The following CMTM3 variants were observed in gnomAD, a reference collection of about 807,000 sequenced individuals.
The protein encoded by CMTM3 is CKLF-like MARVEL transmembrane domain-containing protein 3.
A neutral mutation model predicts 18.2 loss-of-function variants in CMTM3; 7 were observed. The observed-to-expected ratio is 0.38, with a 90% CI of 0.22 to 0.72. The LOEUF is 0.72. Among genes scored for constraint, CMTM3 ranks in the 30% least tolerant of loss-of-function variants. The pLI is 0.46. For synonymous variants in CMTM3, 109 were observed against 111.2 expected (o/e 0.98, Z 0.12); for missense variants, 227 against 249.2 (o/e 0.91, Z 0.60).
At chr16:66,611,907 G>GT (rs2015389928) in intron 4 of CMTM3, among the ~76,000 whole-genome samples, 1 of 152,058 alleles carries the variant, frequency 6.6e-6, no homozygotes, top group South Asian at 2.1e-4. Flanking sequence ...GTATATTTTA[G>GT]TTTGGGGGAC....
chr16:66,609,590 G>C lies in CMTM3; in HGVS notation c.399+60G>C. The C allele has an allele frequency of 1.3e-6, 2 of 1,533,898 alleles. No homozygotes were observed. The highest frequency in any genetic ancestry group is 8.8e-7 in the Non-Finnish European group (1 of 1,131,674). On this transcript the variant is annotated intron_variant, in intron 3 of 4. Transcript: ENST00000567572. The surrounding 1 kb of genome is among the most constrained non-coding windows in gnomAD (Gnocchi z 4.4). ...ATGCCCCTCTAGCCCCTCATTTAGGGTGGGACCTGGGGCAGAGCCTTTCCC... is the reference window on the plus strand; with the variant it reads ...ATGCCCCTCTAGCCCCTCATTTAGGCTGGGACCTGGGGCAGAGCCTTTCCC...
rs2015328967 is a variant in CMTM3 at position 66,610,293 on chromosome 16, C to T, written c.520+290C>T. Among the ~76,000 whole-genome samples, 1 of 152,152 alleles carries T rather than the reference C, an allele frequency of 6.6e-6. No homozygotes were observed. Among genetic ancestry groups the T allele is most frequent in the African/African-American group, 2.4e-5 (1 of 41,442 alleles). On this transcript the variant is annotated intron_variant, in intron 4 of 4. Coordinates refer to ENST00000567572, the MANE Select transcript of CMTM3 (RefSeq NM_181553.4). The surrounding 1 kb of genome is among the most constrained non-coding windows in gnomAD (Gnocchi z 4.6). Reference sequence around the variant, plus strand: ...GACGACCCCCCTGGGCAGCCAGTCACTCTCGGGCACCTGTCCACCTGGGAT... The same window carrying T: ...GACGACCCCCCTGGGCAGCCAGTCATTCTCGGGCACCTGTCCACCTGGGAT...
At chr16:66,607,848 G>A (rs1240112306) in intron 1 of CMTM3, among the ~76,000 whole-genome samples, 1 of 146,862 alleles carries the variant, frequency 6.8e-6, no homozygotes, top group Non-Finnish European at 1.5e-5. Context: ...TTTTTTTTTT[G>A]TAGGGGCGGG....
Position 66,610,229 on chromosome 16 carries a change from G to A in CMTM3, c.520+226G>A, listed in dbSNP as rs2015326128. Among the ~76,000 whole-genome samples, 1 of 152,164 alleles carries A rather than the reference G, an allele frequency of 6.6e-6. No homozygotes were observed. Among genetic ancestry groups the A allele is most frequent in the South Asian group, 2.1e-4 (1 of 4,832 alleles). On this transcript the variant is annotated intron_variant, in intron 4 of 4. Transcript: ENST00000567572. This position sits in a 1 kb window ranked among gnomAD's most constrained non-coding sequence, Gnocchi z 4.6. ...CCTTTCTAGGAGGGGCAAGCAGTGG[G>A]CATGGCTGAGCCTCAGGCCAGGCCG...
At position 66,612,619 on chromosome 16, in the gene CMTM3, C is replaced by T. The variant is rs776349331; in HGVS notation, c.531C>T (p.Ser177=). ...CTGCTTTCCTTTCAGAAGAGAATTC[C>T]GACTCGGACTCTGACTGAAGGCCTG... is the stretch of plus-strand genomic sequence containing the variant. ...TTAHKTEEEN[S]DSDSD Residue 177 remains serine (S), a synonymous_variant, in exon 5 of 5, where the codon TCC becomes TCT. Coordinates refer to ENST00000567572, the MANE Select transcript of CMTM3 (RefSeq NM_181553.4). This position sits in a 1 kb window ranked among gnomAD's most constrained non-coding sequence, Gnocchi z 6.0. 5.0e-6 allele frequency: 8 copies of T among 1,614,058 alleles called. No individual in the cohort carries two copies. Among genetic ancestry groups the T allele is most frequent in the Non-Finnish European group, 6.8e-6 (8 of 1,179,978 alleles).
Position 66,612,513 on chromosome 16 carries a change from C to A in CMTM3, c.521-96C>A. On this transcript the variant is annotated intron_variant, in intron 4 of 4. Coordinates refer to ENST00000567572, the MANE Select transcript of CMTM3 (RefSeq NM_181553.4). The surrounding 1 kb of genome is among the most constrained non-coding windows in gnomAD (Gnocchi z 6.0). The stretch of plus-strand genomic sequence containing the variant: ...CAGCTGCAGGAGGCCTGCACCCAGG[C>A]TCCTGCCAGCAACCCAGCTGTGCTT... 2.3e-6 allele frequency: 3 copies of A among 1,320,030 alleles called. No homozygotes were observed. The highest frequency in any genetic ancestry group is 2.1e-6 in the Non-Finnish European group (2 of 932,066). The allele number at this position is 1,320,030 out of a possible 1,614,324, so 81.8% of individuals were successfully genotyped here. A position where few individuals can be genotyped will look rare whatever the true frequency, so the allele number is the denominator to read the frequency against.
At position 66,609,318 on chromosome 16, in the gene CMTM3, G is replaced by C; in HGVS notation, c.304-117G>C. On this transcript the variant is annotated intron_variant, in intron 2 of 4. Coordinates refer to ENST00000567572, the MANE Select transcript of CMTM3 (RefSeq NM_181553.4). The surrounding 1 kb of genome is among the most constrained non-coding windows in gnomAD (Gnocchi z 4.4). ...TAGGCATGTGGGTGGGGCCAGGATG[G>C]GATAGGAGCCCTCAGGTGCTAGGCC... 1 of 846,318 alleles carries C rather than the reference G, an allele frequency of 1.2e-6. No homozygotes were observed. Among genetic ancestry groups the C allele is most frequent in the Non-Finnish European group, 1.9e-6 (1 of 535,406 alleles). 52.4% of individuals were successfully genotyped at this position (846,318 alleles called of 1,614,324 possible).
Position 66,608,400 on chromosome 16 carries a change from A to G in CMTM3, c.239A>G (p.Tyr80Cys), listed in dbSNP as rs371961681. ...APLLEFLLAL[Y>C]FLFADAMQLN... ...CTGCTGGAGTTCCTGCTGGCCTTGT[A>G]CTTCCTCTTTGCTGATGCCATGCAG... is the stretch of plus-strand genomic sequence containing the variant. Residue 80 changes from tyrosine to cysteine, a missense_variant, in exon 2 of 5, where the codon TAC becomes TGC. Coordinates refer to ENST00000567572, the MANE Select transcript of CMTM3 (RefSeq NM_181553.4). The surrounding 1 kb of genome is among the most constrained non-coding windows in gnomAD (Gnocchi z 5.1). The G allele has an allele frequency of 6.2e-6, 10 of 1,614,032 alleles. No individual in the cohort carries two copies. The highest frequency in any genetic ancestry group is 4.5e-5 in the East Asian group (2 of 44,892).
Position 66,608,218 on chromosome 16 carries a change from C to T in CMTM3, c.148-91C>T. ...CAGTTGGCTTCCCCTGCTGGAACCT[C>T]CTCTATCCTGACCACAGGGCCTGGC... is the stretch of plus-strand genomic sequence containing the variant. On this transcript the variant is annotated intron_variant, in intron 1 of 4. Coordinates refer to ENST00000567572, the MANE Select transcript of CMTM3 (RefSeq NM_181553.4). The surrounding 1 kb of genome is among the most constrained non-coding windows in gnomAD (Gnocchi z 5.1). The T allele has an allele frequency of 6.8e-7, 1 of 1,461,886 alleles. No homozygotes were observed. The allele number at this position is 1,461,886 out of a possible 1,614,324, so 90.6% of individuals were successfully genotyped here. A position where few individuals can be genotyped will look rare whatever the true frequency, so the allele number is the denominator to read the frequency against.
rs749444178 is a variant in CMTM3 at position 66,604,938 on chromosome 16, C to G, written c.133C>G (p.Leu45Val). ...CCTCTGCTCTCTCAAAGGCCGCCTC[C>G]TGCTGGCCGAGTCGGTGAGTGCGGC... Reference protein sequence around the residue: ...AFLCSLKGRLLLAESGLSFIT... With the variant: ...AFLCSLKGRLVLAESGLSFIT... Residue 45 changes from leucine to valine, a missense_variant, in exon 1 of 5, where the codon CTG (leucine) becomes GTG (valine). Physicochemically the swap from Leu to Val is conservative, Grantham distance 32. Coordinates refer to ENST00000567572, the MANE Select transcript of CMTM3 (RefSeq NM_181553.4). 437 of 1,503,092 alleles carry G rather than the reference C, an allele frequency of 2.9e-4. No homozygotes were observed. The highest frequency in any genetic ancestry group is 3.4e-4 in the Non-Finnish European group (386 of 1,136,608). 93.1% of individuals were successfully genotyped at this position (1,503,092 alleles called of 1,614,324 possible). A position where few individuals can be genotyped will look rare whatever the true frequency, so the allele number is the denominator to read the frequency against.
rs188002121 is a variant in CMTM3, at chr16:66,613,204, C to T, written c.*567C>T. The T allele has an allele frequency of 2.7e-4, 186 of 694,064 alleles. No homozygotes were observed. The highest frequency in any genetic ancestry group is 6.3e-4 in the South Asian group (42 of 66,944). The allele number at this position is 694,064 out of a possible 1,614,324, so 43.0% of individuals were successfully genotyped here. On this transcript the variant is annotated 3_prime_UTR_variant, in exon 5 of 5. Transcript: ENST00000567572. ...AGGGAGAAATTGACCTTTGCCTTGT[C>T]GCCCAGGAAGTGGGGCTCGGCACCC...
In CMTM3 at chr16:66,612,647, G is replaced by A. The variant is rs764390337; in HGVS notation, c.*10G>A. 13 of 1,613,684 alleles carry A rather than the reference G, an allele frequency of 8.1e-6. No individual in the cohort carries two copies. The highest frequency in any genetic ancestry group is 2.7e-5 in the African/African-American group (2 of 74,926). Reference sequence around the variant, plus strand: ...CTCGGACTCTGACTGAAGGCCTGGCGGGTGCCTTGGCAACCTGAGCCACAC... The same window carrying A: ...CTCGGACTCTGACTGAAGGCCTGGCAGGTGCCTTGGCAACCTGAGCCACAC... On this transcript the variant is annotated 3_prime_UTR_variant, in exon 5 of 5. Transcript: ENST00000567572. The surrounding 1 kb of genome is among the most constrained non-coding windows in gnomAD (Gnocchi z 6.0).
Position 66,609,264 on chromosome 16 carries a change from A to T in CMTM3, c.304-171A>T. ...CAGTGTCAGCTGCTGGCAAGGCAGC[A>T]GAGGCACCTCGGGGGTGGGACAAGG... is the stretch of plus-strand genomic sequence containing the variant. On this transcript the variant is annotated intron_variant, in intron 2 of 4. Coordinates refer to ENST00000567572, the MANE Select transcript of CMTM3 (RefSeq NM_181553.4). This position sits in a 1 kb window ranked among gnomAD's most constrained non-coding sequence, Gnocchi z 4.4. 1.6e-6 allele frequency: 1 copy of T among 611,914 alleles called. No homozygotes were observed. The highest frequency in any genetic ancestry group is 2.9e-6 in the Non-Finnish European group (1 of 346,896). The allele number at this position is 611,914 out of a possible 1,614,324, so 37.9% of individuals were successfully genotyped here.
rs774194406 is a variant in CMTM3, at chr16:66,610,003, G to A, written c.520G>A (p.Glu174Lys). The change falls in exon 4 of 5, where the codon GAA becomes AAA. Residue 174 changes from glutamate (E) to lysine (K), a missense_variant and splice_region_variant. Transcript: ENST00000567572. This position sits in a 1 kb window ranked among gnomAD's most constrained non-coding sequence, Gnocchi z 4.6. ...ADETTAHKTE[E>K]ENSDSDSD is the part of the protein sequence containing the mutation. ...TGAGACCACAGCCCACAAGACAGAA[G>A]GTAAGCGGCTGCCCTGATCACCCCA... 1.2e-6 allele frequency: 2 copies of A among 1,614,202 alleles called. No homozygotes were observed. Among genetic ancestry groups the A allele is most frequent in the Non-Finnish European group, 8.5e-7 (1 of 1,180,032 alleles).
chr16:66,607,910 T>C (rs2015220624), intron 1 of CMTM3, among the ~76,000 whole-genome samples: 1 of 151,656 alleles, frequency 6.6e-6, no homozygotes, highest in Non-Finnish European at 1.5e-5. Context: ...AGTGGCCTGA[T>C]CACAGCTCAC....
At chr16:66,607,022 G>A (rs910562026) in intron 1 of CMTM3, among the ~76,000 whole-genome samples, 36 of 152,180 alleles carry the variant, frequency 2.4e-4, no homozygotes, top group African/African-American at 8.7e-4. Context: ...ACTCTATCTG[G>A]GGGGTCAGCC....
upstream of CMTM3, chr16:66,604,384 T>A (rs2015039295): frequency 6.4e-6 from 1 of 157,118 alleles, no homozygotes; most frequent in South Asian, 2.0e-4. Context: ...GTCTTTGCTG[T>A]TTAGACGCCT....
upstream of CMTM3, chr16:66,604,189 G>A (rs75704624): frequency 0.014 from 2,089 of 152,714 alleles, 32 homozygotes; most frequent in Non-Finnish European, 0.023. Flanking sequence ...GCAGGTCTGA[G>A]AGTCCTCTGA....
rs1433616461 is a variant in CMTM3, at chr16:66,609,917, C to T, written c.434C>T (p.Thr145Ile). Reference sequence around the variant, plus strand: ...TTCTTTGCTACCATCGTGTTTGCAACTGATTTCTACCTGATCTTTAACGAC... The same window carrying T: ...TTCTTTGCTACCATCGTGTTTGCAATTGATTTCTACCTGATCTTTAACGAC... ...FGFFATIVFA[T>I]DFYLIFNDVA... Residue 145 changes from threonine (T) to isoleucine (I), a missense_variant, in exon 4 of 5, where the codon ACT becomes ATT. Transcript: ENST00000567572. This position sits in a 1 kb window ranked among gnomAD's most constrained non-coding sequence, Gnocchi z 4.4. 2 of 1,614,070 alleles carry T rather than the reference C, an allele frequency of 1.2e-6. No homozygotes were observed. The highest frequency in any genetic ancestry group is 2.7e-5 in the African/African-American group (2 of 74,930).
Sources: allele counts gnomAD v4.1 joint callset (sites outside exome capture counted in the v4.1 genomes callset), GRCh38; gene constraint gnomAD v4.1.1; non-coding constraint Gnocchi (gnomAD v3.1); transcripts MANE v1.5; gene names NCBI Gene and HGNC (gene_info 2026-07-23, HGNC 2026-07-21).